LARP4B: variants seen among roughly 807,000 people sequenced by gnomAD.
The protein encoded by LARP4B is la-related protein 4B.
Under a neutral mutation model 89.8 loss-of-function variants are expected in LARP4B, and 12 were observed. The observed-to-expected ratio is 0.13, with a 90% CI of 0.09 to 0.22. The LOEUF is 0.22. Ranked by LOEUF, LARP4B falls within the 10% of genes least tolerant of loss-of-function variation. LARP4B has a pLI of 1.00. For synonymous variants in LARP4B, 367 were observed against 363.3 expected, an observed-to-expected ratio of 1.01 and a Z score of -0.12; for missense variants, 757 against 947.7, an observed-to-expected ratio of 0.80 and a Z score of 2.64.
At chr10:858,380 C>T (rs1834415117) in intron 5 of LARP4B, among the ~76,000 whole-genome samples, 1 of 152,092 alleles carries the variant, frequency 6.6e-6, no homozygotes, top group African/African-American at 2.4e-5. Context: ...TACTTTATAC[C>T]ATATACAAAA....
At chr10:862,930 T>C (rs1282782487) in intron 5 of LARP4B, among the ~76,000 whole-genome samples, 1 of 152,180 alleles carries the variant, frequency 6.6e-6, no homozygotes, top group Non-Finnish European at 1.5e-5. Context: ...AGAGATTCTA[T>C]CCAGATGGTC....
chr10:861,051 G>A (rs181883218), intron 5 of LARP4B, among the ~76,000 whole-genome samples: 173 of 152,310 alleles, frequency 1.1e-3, no homozygotes, highest in African/African-American at 3.9e-3. Flanking sequence ...AGCTACTGGG[G>A]AGGCTGAGGC....
chr10:911,845 G>C (rs2132022678), intron 1 of LARP4B, among the ~76,000 whole-genome samples: 1 of 152,338 alleles, frequency 6.6e-6, no homozygotes, highest in African/African-American at 2.4e-5. Context: ...TGACTTTTGT[G>C]TGTGCAATGG....
chr10:984,962 A>G, the LARP4B span, among the ~76,000 whole-genome samples: 1 of 152,144 alleles, frequency 6.6e-6, no homozygotes, highest in Non-Finnish European at 1.5e-5. Flanking sequence ...ACAAATACCA[A>G]ACAAGGTAAT....
chr10:939,031 G>T, the LARP4B span, among the ~76,000 whole-genome samples: 1 of 152,346 alleles, frequency 6.6e-6, no homozygotes, highest in African/African-American at 2.4e-5. Flanking sequence ...CCCTGCTTTC[G>T]CATGTTTTAA....
chr10:891,293 G>A (rs768949730), intron 1 of LARP4B, among the ~76,000 whole-genome samples: 3 of 152,122 alleles, frequency 2.0e-5, no homozygotes, highest in Admixed American at 6.5e-5. Flanking sequence ...AAAAGGAGAC[G>A]TAAGACACAC....
At chr10:971,010 A>G in the LARP4B span, 2 of 152,362 alleles carry the variant, frequency 1.3e-5, no homozygotes, top group African/African-American at 4.8e-5. Flanking sequence ...TTAAAGCAGC[A>G]TTAGTGCACA....
At chr10:900,197 C>T (rs771558802) in intron 1 of LARP4B, among the ~76,000 whole-genome samples, 3 of 151,728 alleles carry the variant, frequency 2.0e-5, no homozygotes, top group African/African-American at 4.8e-5. Context: ...AAATACAAAA[C>T]TTAGCCAGGA....
the LARP4B span, chr10:988,319 G>C: frequency 3.1e-6 from 2 of 636,728 alleles, no homozygotes; most frequent in Admixed American, 2.5e-5. Context: ...AGCCGGGCGG[G>C]TGCGCTGTGC....
At chr10:926,427 C>T (rs1282269608) in intron 1 of LARP4B, among the ~76,000 whole-genome samples, 1 of 152,138 alleles carries the variant, frequency 6.6e-6, no homozygotes, top group Admixed American at 6.5e-5. Flanking sequence ...ACAACGTTTG[C>T]AACACCAAGG....
intron 8 of LARP4B, among the ~76,000 whole-genome samples, chr10:834,873 G>A (rs765950398): frequency 2.6e-5 from 4 of 151,722 alleles, no homozygotes; most frequent in Non-Finnish European, 2.9e-5. Flanking sequence ...GTCCTCGGCC[G>A]GGCGCGGTGG....
intron 1 of LARP4B, among the ~76,000 whole-genome samples, chr10:916,134 C>T (rs1169785134): frequency 6.6e-6 from 1 of 151,980 alleles, no homozygotes; most frequent in Non-Finnish European, 1.5e-5. Context: ...AATGTGTGTT[C>T]CAACGTTACA....
rs183152204 is a variant in LARP4B at position 892,580 on chromosome 10, C to T, written c.-39-6820G>A. On this transcript the variant is annotated intron_variant, in intron 1 of 17. Coordinates refer to ENST00000316157, the MANE Select transcript of LARP4B (RefSeq NM_015155.3). ...TTTGAGATAGAGTATCGCTCTGTTG[C>T]GCAGGCTGGAGTGCAGTGGCGCGAT... 3.9e-3 allele frequency among the ~76,000 whole-genome samples: 589 copies of T among 151,820 alleles called. 4 individuals carry two copies. Among genetic ancestry groups the T allele is most frequent in the African/African-American group, 0.013 (535 of 41,392 alleles).
the LARP4B span, chr10:985,990 G>A: frequency 6.6e-6 from 1 of 152,252 alleles, no homozygotes; most frequent in East Asian, 1.9e-4. Flanking sequence ...ATGAGTTCCT[G>A]TGGGGATCCA....
At chr10:818,023 A>C in intron 14 of LARP4B, 134 bp from the exon 15 acceptor site, 1 of 864,402 alleles carries the variant, frequency 1.2e-6, no homozygotes, top group Non-Finnish European at 1.8e-6. Context: ...TCCTCACTCA[A>C]TTGAAGGTTC....
chr10:832,290 G>T (rs762081602), intron 8 of LARP4B, among the ~76,000 whole-genome samples: 2 of 152,076 alleles, frequency 1.3e-5, no homozygotes, highest in Admixed American at 1.3e-4. Flanking sequence ...TGATCCGCCC[G>T]CCTCAGCCTC....
chr10:971,209 A>G, the LARP4B span: 1 of 152,192 alleles, frequency 6.6e-6, no homozygotes, highest in Non-Finnish European at 1.5e-5. Flanking sequence ...CAAAGCAGGG[A>G]AAAGAAACTT....
the LARP4B span, among the ~76,000 whole-genome samples, chr10:984,785 G>A: frequency 3.9e-5 from 6 of 152,276 alleles, no homozygotes; most frequent in Non-Finnish European, 7.4e-5. Flanking sequence ...GTAGCCAGGT[G>A]TGGTGGCATG....
At chr10:848,882 G>A (rs1833905093) in intron 5 of LARP4B, among the ~76,000 whole-genome samples, 1 of 152,132 alleles carries the variant, frequency 6.6e-6, no homozygotes, top group Admixed American at 6.5e-5. Context: ...AAACACGTAT[G>A]CTGTTTTGCT....
Sources: gnomAD v4.1 joint callset for allele counts (sites outside exome capture counted in the v4.1 genomes callset) on GRCh38, gnomAD v4.1.1 for gene constraint, MANE v1.5 for transcripts, NCBI Gene and HGNC (gene_info 2026-07-23, HGNC 2026-07-21) for gene names.